The following DERA variants were observed in gnomAD, a reference collection of about 807,000 sequenced individuals.
The protein encoded by DERA is 2-deoxy-D-ribose 5-phosphate aldolase.
DERA carries 15 observed loss-of-function variants against 41.1 expected under a neutral mutation model. That is an observed-to-expected ratio of 0.37 (90% CI 0.24 to 0.56). DERA has a LOEUF of 0.56. Among genes scored for constraint, DERA ranks in the 20% least tolerant of loss-of-function variants. The probability of loss-of-function intolerance (pLI) is 0.81; values close to 1 mark genes in which losing one functional copy is unlikely to be tolerated. For synonymous variants in DERA, 139 were observed against 137.4 expected, an observed-to-expected ratio of 1.01 and a Z score of -0.08; for missense variants, 396 against 403.4, an observed-to-expected ratio of 0.98 and a Z score of 0.16.
rs1336556759 is a variant in DERA at position 15,972,979 on chromosome 12, A to T, written c.509-9329A>T. ...AGTCTGACCCCTTTCCCTCCTTTCC[A>T]CTCCTTGGATCCACACTCTGATGCA... On this transcript the variant is annotated intron_variant, in intron 5 of 8. Coordinates refer to ENST00000428559, the MANE Select transcript of DERA (RefSeq NM_015954.4). The surrounding 1 kb of genome is among the most constrained non-coding windows in gnomAD (Gnocchi z 4.4). Among the ~76,000 whole-genome samples the T allele has an allele frequency of 2.0e-5, 3 of 151,306 alleles. No homozygotes were observed. Among genetic ancestry groups the T allele is most frequent in the Non-Finnish European group, 4.4e-5 (3 of 67,822 alleles).
chr12:15,937,079 T>G, intron 1 of DERA, among the ~76,000 whole-genome samples: 1 of 152,152 alleles, frequency 6.6e-6, no homozygotes, highest in East Asian at 1.9e-4. Context: ...CTCAGCCTCC[T>G]GTATAGCTGG....
At chr12:15,948,992 C>T (rs1948473928) in intron 1 of DERA, among the ~76,000 whole-genome samples, 1 of 152,196 alleles carries the variant, frequency 6.6e-6, no homozygotes, top group Non-Finnish European at 1.5e-5. Flanking sequence ...TTGGTGTCAG[C>T]AGCAGAGGCT....
At chr12:15,953,515 G>T (rs924934555) in intron 1 of DERA, among the ~76,000 whole-genome samples, 1 of 152,060 alleles carries the variant, frequency 6.6e-6, no homozygotes, top group Non-Finnish European at 1.5e-5. Flanking sequence ...CAACACAAGG[G>T]CCTAAAAACC....
At position 15,940,189 on chromosome 12, in the gene DERA, C is replaced by T. The variant is rs1055965340; in HGVS notation, c.32-16747C>T. ...TTTTATCTTCAGCAAAATAGACTTC[C>T]GGTTTTTTTATTTGATAAATTAGAT... On this transcript the variant is annotated intron_variant, in intron 1 of 8. Transcript: ENST00000428559. The surrounding 1 kb of genome is among the most constrained non-coding windows in gnomAD (Gnocchi z 5.1). Among the ~76,000 whole-genome samples the T allele has an allele frequency of 8.6e-5, 13 of 151,976 alleles. 1 individual carries two copies. The highest frequency in any genetic ancestry group is 8.3e-4 in the South Asian group (4 of 4,816).
intron 6 of DERA, among the ~76,000 whole-genome samples, chr12:16,018,475 T>C (rs1948998797): frequency 6.6e-6 from 1 of 152,170 alleles, no homozygotes; most frequent in Non-Finnish European, 1.5e-5. Context: ...TATTTAGTAA[T>C]GAGTTGCTGA....
At chr12:15,930,088 C>T (rs927218283) in intron 1 of DERA, among the ~76,000 whole-genome samples, 3 of 152,124 alleles carry the variant, frequency 2.0e-5, no homozygotes, top group Non-Finnish European at 4.4e-5. Flanking sequence ...GAGCAGTTGG[C>T]GTGGTGCCTA....
intron 5 of DERA, among the ~76,000 whole-genome samples, chr12:15,973,232 C>T (rs1489426667): frequency 6.6e-6 from 1 of 152,172 alleles, no homozygotes; most frequent in Non-Finnish European, 1.5e-5. Context: ...GTAATATATC[C>T]TGGGCTTCTA....
rs1948808635 is a variant in DERA, at chr12:15,992,456, T to C, written c.637+10020T>C. Among the ~76,000 whole-genome samples the C allele has an allele frequency of 1.3e-5, 2 of 152,138 alleles. No individual in the cohort carries two copies. Among genetic ancestry groups the C allele is most frequent in the Admixed American group, 1.3e-4 (2 of 15,270 alleles). On this transcript the variant is annotated intron_variant, in intron 6 of 8. Transcript: ENST00000428559. The surrounding 1 kb of genome is among the most constrained non-coding windows in gnomAD (Gnocchi z 4.3). ...ATCTGTAAGAATGTGGAGATGGATC[T>C]GGAGGCAAGGAAGAACCAGGGAGAA...
chr12:16,031,273 T>C (rs186276706), intron 6 of DERA, among the ~76,000 whole-genome samples: 312 of 152,314 alleles, frequency 2.0e-3, no homozygotes, highest in African/African-American at 7.3e-3. Flanking sequence ...GAGGGCAAGG[T>C]CTTGAATTTT....
In DERA at chr12:15,988,250, T is replaced by G. The variant is rs1258647301; in HGVS notation, c.637+5814T>G. Among the ~76,000 whole-genome samples, 1 of 152,156 alleles carries G rather than the reference T, an allele frequency of 6.6e-6. No homozygotes were observed. Among genetic ancestry groups the G allele is most frequent in the African/African-American group, 2.4e-5 (1 of 41,454 alleles). On this transcript the variant is annotated intron_variant, in intron 6 of 8. Transcript: ENST00000428559. The surrounding 1 kb of genome is among the most constrained non-coding windows in gnomAD (Gnocchi z 6.0). ...GTCGGGGGCATGTTTTAGCCCTGTT[T>G]GTGTTACAGCTCTTTCAGTCCCGCC...
rs1948546744 is a variant in DERA, at chr12:15,957,155, G to A, written c.129+122G>A. ...AACTTAAAAGATTGCAGCTGTCCAT[G>A]ACTTATTTTAATAATTCATATATGA... On this transcript the variant is annotated intron_variant, in intron 2 of 8. Coordinates refer to ENST00000428559, the MANE Select transcript of DERA (RefSeq NM_015954.4). The surrounding 1 kb of genome is among the most constrained non-coding windows in gnomAD (Gnocchi z 4.8). 4.2e-6 allele frequency: 3 copies of A among 722,076 alleles called. No homozygotes were observed. The highest frequency in any genetic ancestry group is 7.2e-6 in the Non-Finnish European group (3 of 416,566). The allele number at this position is 722,076 out of a possible 1,614,324, so 44.7% of individuals were successfully genotyped here.
intron 5 of DERA, among the ~76,000 whole-genome samples, chr12:15,963,726 C>G (rs1948604596): frequency 6.6e-6 from 1 of 152,048 alleles, no homozygotes; most frequent in African/African-American, 2.4e-5. Flanking sequence ...CTTTATATAT[C>G]AAATAAATGG....
Position 16,010,278 on chromosome 12 carries a change from C to T in DERA, c.638-22264C>T, listed in dbSNP as rs758182478. ...GTGCATGCTTAGTATTAATGCATGA[C>T]TTCTGCAGAGTCTAGGTCAGGACCA... On this transcript the variant is annotated intron_variant, in intron 6 of 8. Coordinates refer to ENST00000428559, the MANE Select transcript of DERA (RefSeq NM_015954.4). The surrounding 1 kb of genome is among the most constrained non-coding windows in gnomAD (Gnocchi z 5.5). Among the ~76,000 whole-genome samples the T allele has an allele frequency of 1.3e-5, 2 of 152,206 alleles. No homozygotes were observed. The highest frequency in any genetic ancestry group is 2.9e-5 in the Non-Finnish European group (2 of 68,046).
rs1336129766 is a variant in DERA, at chr12:15,983,370, A to G, written c.637+934A>G. 6.6e-6 allele frequency among the ~76,000 whole-genome samples: 1 copy of G among 152,132 alleles called. No homozygotes were observed. The highest frequency in any genetic ancestry group is 1.5e-5 in the Non-Finnish European group (1 of 68,020). ...TTCACACCATGTTCTCCAGCCAGGT[A>G]GAGTTACTTGCACTTCTCTGCAGAT... is the stretch of plus-strand genomic sequence containing the variant. On this transcript the variant is annotated intron_variant, in intron 6 of 8. Coordinates refer to ENST00000428559, the MANE Select transcript of DERA (RefSeq NM_015954.4). The surrounding 1 kb of genome is among the most constrained non-coding windows in gnomAD (Gnocchi z 6.2).
At position 15,994,771 on chromosome 12, in the gene DERA, T is replaced by C. The variant is rs1165079688; in HGVS notation, c.637+12335T>C. Among the ~76,000 whole-genome samples the C allele has an allele frequency of 1.3e-5, 2 of 152,114 alleles. No individual in the cohort carries two copies. Among genetic ancestry groups the C allele is most frequent in the Non-Finnish European group, 2.9e-5 (2 of 68,018 alleles). ...CCTGGCCAGAAAATTCTTAAAATGG[T>C]GGGAAATTGGAATCCTTGAATGGAT... On this transcript the variant is annotated intron_variant, in intron 6 of 8. Transcript: ENST00000428559. This position sits in a 1 kb window ranked among gnomAD's most constrained non-coding sequence, Gnocchi z 4.8.
rs1348391192 is a variant in DERA at position 15,911,799 on chromosome 12, C to T, written c.31+385C>T. 1 of 499,888 alleles carries T rather than the reference C, an allele frequency of 2.0e-6. No individual in the cohort carries two copies. Among genetic ancestry groups the T allele is most frequent in the Non-Finnish European group, 3.9e-6 (1 of 256,560 alleles). The allele number at this position is 499,888 out of a possible 1,614,324, so 31.0% of individuals were successfully genotyped here. A position where few individuals can be genotyped will look rare whatever the true frequency, so the allele number is the denominator to read the frequency against. ...TCTTTCTCCTCCTTTTAATAGAATACTTGTGTAATTTAATGCAGTATTTCC... is the reference window on the plus strand; with the variant it reads ...TCTTTCTCCTCCTTTTAATAGAATATTTGTGTAATTTAATGCAGTATTTCC... On this transcript the variant is annotated intron_variant, in intron 1 of 8. Transcript: ENST00000428559. This position sits in a 1 kb window ranked among gnomAD's most constrained non-coding sequence, Gnocchi z 4.5.
At position 16,036,814 on chromosome 12, in the gene DERA, A is replaced by G. The variant is rs910391876; in HGVS notation, c.*68A>G. 60 of 1,195,904 alleles carry G rather than the reference A, an allele frequency of 5.0e-5. No individual in the cohort carries two copies. Among genetic ancestry groups the G allele is most frequent in the Admixed American group, 1.4e-4 (6 of 42,166 alleles). 74.1% of individuals were successfully genotyped at this position (1,195,904 alleles called of 1,614,324 possible). On this transcript the variant is annotated 3_prime_UTR_variant, in exon 9 of 9. Transcript: ENST00000428559. The surrounding 1 kb of genome is among the most constrained non-coding windows in gnomAD (Gnocchi z 4.9). ...AAAATTATTTTTCTACGTAATTGCT[A>G]AAATTATTTAATTAAAAAATTGGGC...
rs1392347219 is a variant in DERA, at chr12:15,952,485, A to G, written c.32-4451A>G. ...AGACTAGAGCCTAGAGCCAATAGAA[A>G]CATAATGTGAGACATGGAGTCATTT... On this transcript the variant is annotated intron_variant, in intron 1 of 8. Coordinates refer to ENST00000428559, the MANE Select transcript of DERA (RefSeq NM_015954.4). Among the ~76,000 whole-genome samples the G allele has an allele frequency of 2.0e-5, 3 of 152,198 alleles. No homozygotes were observed. In the East Asian group the frequency reaches 5.8e-4, roughly 29 times the overall value.
At position 15,982,375 on chromosome 12, in the gene DERA, G is replaced by T; in HGVS notation, c.576G>T (p.Ala192=). ...CGEAHLKTIL[A]TGELGTLTNV... ...AGGCTCATCTTAAAACTATATTAGC[G>T]ACAGGAGAACTTGGAACTCTTACTA... The change falls in exon 6 of 9, where the codon GCG becomes GCT. Residue 192 remains alanine (A), a synonymous_variant. Transcript: ENST00000428559. The surrounding 1 kb of genome is among the most constrained non-coding windows in gnomAD (Gnocchi z 4.0). The T allele has an allele frequency of 1.2e-6, 2 of 1,613,776 alleles. No homozygotes were observed. Among genetic ancestry groups the T allele is most frequent in the Non-Finnish European group, 1.7e-6 (2 of 1,179,774 alleles).
Sources: allele counts gnomAD v4.1 joint callset (sites outside exome capture counted in the v4.1 genomes callset), GRCh38; gene constraint gnomAD v4.1.1; non-coding constraint Gnocchi (gnomAD v3.1); transcripts MANE v1.5; gene names NCBI Gene and HGNC (gene_info 2026-07-23, HGNC 2026-07-21).